The following GEMIN5 variants were observed in gnomAD, a reference collection of about 807,000 sequenced individuals.
GEMIN5 encodes the protein gem nuclear organelle associated protein 5.
Under a neutral mutation model 176.9 loss-of-function variants are expected in GEMIN5, and 124 were observed. The ratio of observed to expected loss-of-function variants is 0.70; its 90% CI spans 0.61 to 0.81. GEMIN5 has a LOEUF of 0.81. Among genes scored for constraint, GEMIN5 ranks in the 40% least tolerant of loss-of-function variants. The pLI, the probability that GEMIN5 is intolerant of heterozygous loss-of-function variation, is 0.00. For missense variants in GEMIN5, 1,843 were observed against 1,814.6 expected, an observed-to-expected ratio of 1.02 and a Z score of -0.28; for synonymous variants, 673 against 665.2, an observed-to-expected ratio of 1.01 and a Z score of -0.18.
In GEMIN5 at chr5:154,917,091, G is replaced by A; in HGVS notation, c.1762C>T (p.His588Tyr). 6.2e-7 allele frequency: 1 copy of A among 1,608,926 alleles called. No individual in the cohort carries two copies. The highest frequency in any genetic ancestry group is 8.5e-7 in the Non-Finnish European group (1 of 1,176,062). Residue 588 changes from histidine to tyrosine, a missense_variant, in exon 13 of 28, where the codon CAT becomes TAT. Transcript: ENST00000285873. ...HKLVNTISWH[H>Y]EHGSQPELSY... ...AATTCTGGCTGGCTGCCATGCTCAT[G>A]ATGCCAGCTAATGGTATTCACAAGC...
At chr5:154,890,534 T>C (rs1383491452) in intron 26 of GEMIN5, among the ~76,000 whole-genome samples, 1 of 151,322 alleles carries the variant, frequency 6.6e-6, no homozygotes, top group African/African-American at 2.4e-5. Flanking sequence ...CATGATCGTA[T>C]CTCACTACAG....
intron 15 of GEMIN5, among the ~76,000 whole-genome samples, chr5:154,911,469 C>T (rs554539982): frequency 4.7e-4 from 72 of 152,254 alleles, no homozygotes; most frequent in Non-Finnish European, 6.8e-4. Flanking sequence ...GCCAAGATCA[C>T]GCCACTACAT....
chr5:154,898,403 C>T (rs770234785), intron 23 of GEMIN5, 37 bp downstream of exon 23: 2 of 1,533,368 alleles, frequency 1.3e-6, no homozygotes, highest in Non-Finnish European at 9.0e-7. Flanking sequence ...TGGGACACTT[C>T]CCTCTTGTAT....
intron 23 of GEMIN5, among the ~76,000 whole-genome samples, chr5:154,896,650 C>T (rs573090096): frequency 6.6e-6 from 1 of 152,184 alleles, no homozygotes; most frequent in Non-Finnish European, 1.5e-5. Flanking sequence ...GCCACTTAAG[C>T]CTTGTAGCCT....
intron 23 of GEMIN5, 69 bp downstream of exon 23, chr5:154,898,371 T>C (rs1763396435): frequency 1.4e-6 from 2 of 1,390,348 alleles, no homozygotes; most frequent in African/African-American, 2.8e-5. Context: ...GTTATTAACT[T>C]GGATTTGACT....
chr5:154,913,204 G>GTGCAATGGCGCAA (rs1158314835), intron 13 of GEMIN5, among the ~76,000 whole-genome samples, 166 bp from the exon 14 acceptor site: 2 of 152,146 alleles, frequency 1.3e-5, no homozygotes, highest in Admixed American at 6.5e-5. Flanking sequence ...TCAGGCTGGA[G>GTGCAATGGCGCAA]TGCAATGGCG....
At chr5:154,930,651 T>C (rs1249666677) in intron 5 of GEMIN5, among the ~76,000 whole-genome samples, 47 of 152,180 alleles carry the variant, frequency 3.1e-4, no homozygotes, top group Admixed American at 3.0e-3. Context: ...GTCAAAATCA[T>C]AGAGCTGAAA....
chr5:154,907,683 T>TC lies in GEMIN5; in HGVS notation c.2302dup (p.Glu768GlyfsTer7). 8.1e-6 allele frequency: 13 copies of TC among 1,614,136 alleles called. No individual in the cohort carries two copies. Among genetic ancestry groups the TC allele is most frequent in the Non-Finnish European group, 1.1e-5 (13 of 1,179,994 alleles). ...ACCATTCTCAACAGGTCCTGAGTTC[T>TC]CCTTCATGCTTTCTTCTTCATTTCC... On this transcript the variant is annotated frameshift_variant, in exon 16 of 28. Coordinates refer to ENST00000285873, the MANE Select transcript of GEMIN5 (RefSeq NM_015465.5). LOFTEE classifies it high-confidence loss of function.
intron 13 of GEMIN5, among the ~76,000 whole-genome samples, chr5:154,913,870 A>C (rs1391690397): frequency 6.6e-6 from 1 of 152,060 alleles, no homozygotes; most frequent in African/African-American, 2.4e-5. Flanking sequence ...GCATGGTGGT[A>C]TGTGCCTGTA....
At chr5:154,928,789 C>T (rs1318575694) in intron 5 of GEMIN5, 130 bp from the exon 6 acceptor site, 16 of 726,432 alleles carry the variant, frequency 2.2e-5, no homozygotes, top group South Asian at 7.1e-5. Context: ...ATTCAGATCT[C>T]ATTTTCCAAT....
rs1764065046 is a variant in GEMIN5 at position 154,927,420 on chromosome 5, T to A, written c.1045A>T (p.Lys349Ter). Residue 349 changes from lysine (K) to a stop codon, truncating the protein, a stop_gained, in exon 7 of 28, where the codon AAA becomes TAA. Transcript: ENST00000285873. LOFTEE classifies it high-confidence loss of function. ...NLCPLQTEDDKQLLLSTSMDR... is the reference protein window; with the variant it reads ...NLCPLQTEDD ...ATTGATGTAGAAAGTAATAGCTGTT[T>A]GTCATCCTCTGTTTGTAAAGGACAT... 5.7e-6 allele frequency: 9 copies of A among 1,588,568 alleles called. No individual in the cohort carries two copies. Among genetic ancestry groups the A allele is most frequent in the Non-Finnish European group, 6.9e-6 (8 of 1,156,590 alleles).
At chr5:154,937,238 G>C (rs1582681755) in intron 1 of GEMIN5, 53 bp from the exon 2 acceptor site, 3 of 1,451,868 alleles carry the variant, frequency 2.1e-6, no homozygotes, top group Non-Finnish European at 2.8e-6. Context: ...AAGGTTCCTG[G>C]CAGAATCATA....
chr5:154,909,024 C>T (rs961274122), intron 15 of GEMIN5, among the ~76,000 whole-genome samples: 18 of 151,984 alleles, frequency 1.2e-4, no homozygotes, highest in African/African-American at 3.6e-4. Flanking sequence ...GCAGAATCTC[C>T]GTTCACGGCA....
chr5:154,937,746 G>A (rs1214685741), intron 1 of GEMIN5, among the ~76,000 whole-genome samples: 1 of 152,174 alleles, frequency 6.6e-6, no homozygotes, highest in Admixed American at 6.5e-5. Context: ...GTAAGCAAGC[G>A]GCCCCACGTG....
At chr5:154,907,446 G>T in intron 16 of GEMIN5, 145 bp downstream of exon 16, 1 of 297,996 alleles carries the variant, frequency 3.4e-6, no homozygotes, top group Non-Finnish European at 5.9e-6. Flanking sequence ...TTAGAGACTT[G>T]AATAAAGCTT....
intron 5 of GEMIN5, among the ~76,000 whole-genome samples, chr5:154,929,170 G>A (rs1023041952): frequency 6.6e-6 from 1 of 152,178 alleles, no homozygotes; most frequent in African/African-American, 2.4e-5. Flanking sequence ...CTTGCAGTGA[G>A]CTGAGATCGT....
intron 9 of GEMIN5, among the ~76,000 whole-genome samples, chr5:154,922,856 C>T (rs1361877339): frequency 6.6e-6 from 1 of 151,814 alleles, no homozygotes; most frequent in African/African-American, 2.4e-5. Context: ...ACTACCACAT[C>T]CAGCTAATTT....
Position 154,921,334 on chromosome 5 carries a change from G to A in GEMIN5, c.1462+9C>T, listed in dbSNP as rs1324815574. On this transcript the variant is annotated intron_variant, in intron 10 of 27. Coordinates refer to ENST00000285873, the MANE Select transcript of GEMIN5 (RefSeq NM_015465.5). ...CTCATATTTGTTATGGAATTGTTCA[G>A]ATACTTACCAAGTGACATGGGGGGT... 1 of 1,085,064 alleles carries A rather than the reference G, an allele frequency of 9.2e-7. No individual in the cohort carries two copies. The highest frequency in any genetic ancestry group is 2.4e-5 in the East Asian group (1 of 41,490). 67.2% of individuals were successfully genotyped at this position (1,085,064 alleles called of 1,614,324 possible). A position where few individuals can be genotyped will look rare whatever the true frequency, so the allele number is the denominator to read the frequency against.
chr5:154,927,063 A>AC, intron 7 of GEMIN5, among the ~76,000 whole-genome samples: 1 of 151,000 alleles, frequency 6.6e-6, no homozygotes, highest in East Asian at 2.0e-4. Context: ...AAAAAAAAAA[A>AC]ACACTAACAC....
Sources: gnomAD v4.1 joint callset for allele counts (sites outside exome capture counted in the v4.1 genomes callset) on GRCh38, gnomAD v4.1.1 for gene constraint, MANE v1.5 for transcripts, NCBI Gene and HGNC (gene_info 2026-07-23, HGNC 2026-07-21) for gene names.